Variants in PAPPA observed in about 807,000 individuals in gnomAD.
PAPPA encodes the protein pappalysin 1.
PAPPA carries 60 observed loss-of-function variants against 164.0 expected under a neutral mutation model. The ratio of observed to expected loss-of-function variants is 0.37; its 90% CI spans 0.30 to 0.45. The LOEUF is 0.45. Ranked by LOEUF, PAPPA falls within the 20% of genes least tolerant of loss-of-function variation. The pLI is 1.00. For missense variants in PAPPA, 1,782 were observed against 2,087.3 expected, an observed-to-expected ratio of 0.85 and a Z score of 2.85; for synonymous variants, 875 against 814.1, an observed-to-expected ratio of 1.07 and a Z score of -1.27.
intron 4 of PAPPA, among the ~76,000 whole-genome samples, chr9:116,216,844 C>T (rs530780973): frequency 6.0e-4 from 91 of 152,128 alleles, no homozygotes; most frequent in African/African-American, 1.8e-3. Flanking sequence ...CAGGTTCAAG[C>T]GATTTGCCTG....
rs149722743 is a variant in PAPPA at position 116,383,103 on chromosome 9, G to C, written c.4776+610G>C. ...TCTTTATATCAGGACACACCCAGGA[G>C]TGATTCAAGTGTTTATAGTAAACCA... is the stretch of plus-strand genomic sequence containing the variant. On this transcript the variant is annotated intron_variant, in intron 21 of 21. Transcript: ENST00000328252. Among the ~76,000 whole-genome samples the C allele has an allele frequency of 9.0e-3, 1,364 of 152,274 alleles. 10 individuals carry two copies. Among genetic ancestry groups the C allele is most frequent in the Middle Eastern group, 0.017 (5 of 294 alleles).
In PAPPA at chr9:116,154,023, A is replaced by G. The variant is rs1420888211; in HGVS notation, c.-150A>G. On this transcript the variant is annotated 5_prime_UTR_variant, in exon 1 of 22. Transcript: ENST00000328252. This position sits in a 1 kb window ranked among gnomAD's most constrained non-coding sequence, Gnocchi z 5.2. Reference sequence around the variant, plus strand: ...GTGGAGCACACACCTTGAGGAGGAAAGCGAGAAAGAAAAGAAAAAAGCAAG... The same window carrying G: ...GTGGAGCACACACCTTGAGGAGGAAGGCGAGAAAGAAAAGAAAAAAGCAAG... The G allele has an allele frequency of 2.0e-6, 2 of 1,001,672 alleles. No homozygotes were observed. Among genetic ancestry groups the G allele is most frequent in the Non-Finnish European group, 2.5e-6 (2 of 791,486 alleles). The allele number at this position is 1,001,672 out of a possible 1,614,324, so 62.0% of individuals were successfully genotyped here.
intron 9 of PAPPA, among the ~76,000 whole-genome samples, chr9:116,279,462 A>G (rs1053031495): frequency 1.3e-5 from 2 of 152,118 alleles, no homozygotes; most frequent in African/African-American, 4.8e-5. Flanking sequence ...CCTACCCCAC[A>G]GAGAGGCAGG....
intron 6 of PAPPA, 80 bp downstream of exon 6, chr9:116,227,632 T>C: frequency 1.4e-6 from 2 of 1,442,826 alleles, no homozygotes; most frequent in African/African-American, 1.4e-5. Flanking sequence ...GGTTTTATTA[T>C]TTTTATGGGT....
intron 9 of PAPPA, among the ~76,000 whole-genome samples, chr9:116,278,940 T>C (rs1845234808): frequency 6.6e-6 from 1 of 152,210 alleles, no homozygotes; most frequent in Admixed American, 6.5e-5. Context: ...CCACCTCTTC[T>C]TCCCCTTCCT....
chr9:116,281,839 C>G (rs991887197), intron 9 of PAPPA, among the ~76,000 whole-genome samples: 1 of 152,160 alleles, frequency 6.6e-6, no homozygotes, highest in African/African-American at 2.4e-5. Flanking sequence ...CTGCCTCACA[C>G]CCCACTTAAC....
At chr9:116,178,977 G>A (rs1476690320) in intron 1 of PAPPA, among the ~76,000 whole-genome samples, 1 of 152,232 alleles carries the variant, frequency 6.6e-6, no homozygotes, top group Admixed American at 6.5e-5. Context: ...TACCACATAA[G>A]TCTGTGTATT....
chr9:116,256,177 CA>C (rs1032891915), intron 7 of PAPPA, among the ~76,000 whole-genome samples: 32 of 151,826 alleles, frequency 2.1e-4, no homozygotes, highest in African/African-American at 7.0e-4. Context: ...AACAAGGCAT[CA>C]AAATAAGGGT....
intron 10 of PAPPA, among the ~76,000 whole-genome samples, chr9:116,311,423 A>G (rs568388654): frequency 6.6e-6 from 1 of 152,226 alleles, no homozygotes; most frequent in Non-Finnish European, 1.5e-5. Context: ...AATGGAATTA[A>G]CCTTAGAGGT....
At position 116,163,222 on chromosome 9, in the gene PAPPA, C is replaced by T. The variant is rs368074725; in HGVS notation, c.415+8635C>T. 2.0e-5 allele frequency among the ~76,000 whole-genome samples: 3 copies of T among 152,180 alleles called. No homozygotes were observed. In the East Asian group the frequency reaches 5.8e-4, roughly 29 times the overall value. On this transcript the variant is annotated intron_variant, in intron 1 of 21. Coordinates refer to ENST00000328252, the MANE Select transcript of PAPPA (RefSeq NM_002581.5). ...CTATAAATGAATAAGCATATATATCCCATAATGTCAGGTGAATGTTTGTAA... is the reference window on the plus strand; with the variant it reads ...CTATAAATGAATAAGCATATATATCTCATAATGTCAGGTGAATGTTTGTAA...
chr9:116,256,384 G>C (rs1844928142), intron 7 of PAPPA, among the ~76,000 whole-genome samples: 1 of 151,834 alleles, frequency 6.6e-6, no homozygotes, highest in African/African-American at 2.4e-5. Flanking sequence ...GTGAAGGGAA[G>C]AAAGGAGGAA....
chr9:116,195,219 C>A (rs1224810179), intron 2 of PAPPA, among the ~76,000 whole-genome samples: 1 of 152,168 alleles, frequency 6.6e-6, no homozygotes, highest in Non-Finnish European at 1.5e-5. Context: ...TTGATTTTCT[C>A]TGATTCAGTC....
At position 116,382,424 on chromosome 9, in the gene PAPPA, C is replaced by A. The variant is rs199581910; in HGVS notation, c.4707C>A (p.Ala1569=). The part of the protein sequence containing the change: ...EPFMGDNYCD[A]INNRAFCNYD... ...TCATGGGAGACAATTATTGTGATGC[C>A]ATCAACAACCGAGCCTTTTGCAACT... The change falls in exon 21 of 22, where the codon GCC becomes GCA. Residue 1569 remains alanine (A), a synonymous_variant. Transcript: ENST00000328252. The A allele has an allele frequency of 2.0e-5, 33 of 1,613,538 alleles. No individual in the cohort carries two copies. The East Asian group carries it at 7.1e-4, about 35-fold the overall frequency.
intron 17 of PAPPA, among the ~76,000 whole-genome samples, chr9:116,358,200 A>C (rs1564240058): frequency 1.3e-5 from 2 of 152,068 alleles, no homozygotes; most frequent in Non-Finnish European, 2.9e-5. Context: ...GGAGCCCTAA[A>C]CCCCAGAAAG....
chr9:116,286,043 G>C (rs2118853175), intron 9 of PAPPA: 1 of 152,162 alleles, frequency 6.6e-6, no homozygotes, highest in Non-Finnish European at 1.5e-5. Flanking sequence ...CCCACAAAAG[G>C]GGTGGGGGCT....
intron 3 of PAPPA, 108 bp downstream of exon 3, chr9:116,207,709 G>T: frequency 1.3e-6 from 1 of 784,634 alleles, no homozygotes; most frequent in Non-Finnish European, 1.9e-6. Flanking sequence ...TAGTTGTGAG[G>T]GTGAACAACC....
At chr9:116,315,865 A>G (rs1845781889) in intron 10 of PAPPA, among the ~76,000 whole-genome samples, 1 of 152,238 alleles carries the variant, frequency 6.6e-6, no homozygotes, top group Non-Finnish European at 1.5e-5. Flanking sequence ...AATCACAGAA[A>G]TTGATAATGA....
chr9:116,329,386 C>G (rs1008837898), intron 10 of PAPPA, among the ~76,000 whole-genome samples: 1 of 151,936 alleles, frequency 6.6e-6, no homozygotes, highest in African/African-American at 2.4e-5. Context: ...ATGATGTAAA[C>G]CAAAACCACC....
At chr9:116,228,730 TG>T in intron 6 of PAPPA, among the ~76,000 whole-genome samples, 1 of 152,302 alleles carries the variant, frequency 6.6e-6, no homozygotes, top group South Asian at 2.1e-4. Flanking sequence ...GAGGGATGCC[TG>T]GGGTCATCTG....
Sources: allele counts gnomAD v4.1 joint callset (sites outside exome capture counted in the v4.1 genomes callset), GRCh38; gene constraint gnomAD v4.1.1; non-coding constraint Gnocchi (gnomAD v3.1); transcripts MANE v1.5; gene names NCBI Gene and HGNC (gene_info 2026-07-23, HGNC 2026-07-21).